SLC1A7: variants seen among roughly 807,000 people sequenced by gnomAD.
SLC1A7 encodes the protein excitatory amino acid transporter 5.
In SLC1A7, 40 loss-of-function variants were observed where a neutral mutation model predicts 47.7. The ratio of observed to expected loss-of-function variants is 0.84; its 90% CI spans 0.65 to 1.09. The LOEUF (loss-of-function observed/expected upper bound fraction) is 1.09, where lower values mean the gene tolerates loss of function less well. SLC1A7 is among the 50% of genes least tolerant of loss of function. The probability of loss-of-function intolerance (pLI) is 0.00; values close to 1 mark genes in which losing one functional copy is unlikely to be tolerated. For missense variants in SLC1A7, 746 were observed against 769.5 expected (o/e 0.97, Z 0.36); for synonymous variants, 323 against 325.6 (o/e 0.99, Z 0.09).
At chr1:53,135,974 T>A (rs1644988501) in intron 1 of SLC1A7, among the ~76,000 whole-genome samples, 2 of 151,858 alleles carry the variant, frequency 1.3e-5, no homozygotes, top group Admixed American at 6.6e-5. Flanking sequence ...ATGAGGGGAC[T>A]CTTGAGATCT....
intron 5 of SLC1A7, among the ~76,000 whole-genome samples, chr1:53,099,728 C>A (rs541928888): frequency 7.6e-6 from 1 of 131,460 alleles, no homozygotes; most frequent in South Asian, 2.6e-4. Flanking sequence ...TACACTCACA[C>A]CCCTCCTTGT....
chr1:53,088,187 T>G lies in SLC1A7; in HGVS notation c.1505A>C (p.Glu502Ala), dbSNP rs766880610. Reference sequence around the variant, plus strand: ...GCCATTCTGCTGGGCTGCCACGATCTCCTGGAGGCTCACTGGCTTGGTCTC... The same window carrying G: ...GCCATTCTGCTGGGCTGCCACGATCGCCTGGAGGCTCACTGGCTTGGTCTC... The part of the protein sequence containing the change: ...PCETKPVSLQ[E>A]IVAAQQNGCV... The change falls in exon 11 of 11, where the codon GAG (glutamate) becomes GCG (alanine). Residue 502 changes from glutamate (E) to alanine (A), a missense_variant. Transcript: ENST00000371494. 28 of 1,612,646 alleles carry G rather than the reference T, an allele frequency of 1.7e-5. No homozygotes were observed. The Admixed American group carries it at 4.3e-4, about 25-fold the overall frequency.
intron 1 of SLC1A7, among the ~76,000 whole-genome samples, chr1:53,137,578 G>C (rs1005469904): frequency 1.3e-5 from 2 of 152,014 alleles, no homozygotes; most frequent in African/African-American, 4.8e-5. Flanking sequence ...ACAATGTTTT[G>C]ATCGCCAAAC....
chr1:53,096,263 G>A (rs1266677693), intron 5 of SLC1A7, among the ~76,000 whole-genome samples: 2 of 131,738 alleles, frequency 1.5e-5, no homozygotes, highest in Non-Finnish European at 3.2e-5. Context: ...CCATGCATCT[G>A]TACACTCACA....
chr1:53,136,975 A>G (rs1429350456), intron 1 of SLC1A7, among the ~76,000 whole-genome samples: 8 of 151,774 alleles, frequency 5.3e-5, no homozygotes, highest in Admixed American at 5.3e-4. Context: ...ACCCACATGT[A>G]TATATTCTTT....
intron 5 of SLC1A7, among the ~76,000 whole-genome samples, chr1:53,096,689 C>T (rs1430113548): frequency 6.6e-6 from 1 of 151,180 alleles, no homozygotes. Context: ...ACACACACCG[C>T]CTCAATACAC....
At chr1:53,112,979 C>T (rs906810561) in intron 3 of SLC1A7, among the ~76,000 whole-genome samples, 4 of 151,796 alleles carry the variant, frequency 2.6e-5, no homozygotes, top group Admixed American at 2.0e-4. Flanking sequence ...TCCTAGCCCA[C>T]TCCCTCACCT....
rs114958616 is a variant in SLC1A7 at position 53,100,128 on chromosome 1, G to A, written c.697+3218C>T. The stretch of plus-strand genomic sequence containing the variant: ...CCACCTCGACACACTCATACACCCC[G>A]CCTCAGAACACTCACACATCCACAT... On this transcript the variant is annotated intron_variant, in intron 5 of 10. Coordinates refer to ENST00000371494, the MANE Select transcript of SLC1A7 (RefSeq NM_006671.6). Among the ~76,000 whole-genome samples, 549 of 144,630 alleles carry A rather than the reference G, an allele frequency of 3.8e-3. 5 individuals carry two copies. The highest frequency in any genetic ancestry group is 0.013 in the African/African-American group (516 of 38,570). 94.9% of individuals were successfully genotyped at this position (144,630 alleles called of 152,430 possible).
At chr1:53,096,734 G>C (rs1019048386) in intron 5 of SLC1A7, among the ~76,000 whole-genome samples, 1 of 147,836 alleles carries the variant, frequency 6.8e-6, no homozygotes, top group African/African-American at 2.5e-5. Flanking sequence ...CACATACCCC[G>C]CCTTGATACA....
rs368950078 is a variant in SLC1A7 at position 53,115,034 on chromosome 1, C to T, written c.216-61G>A. 97 of 1,345,966 alleles carry T rather than the reference C, an allele frequency of 7.2e-5. No individual in the cohort carries two copies. The African/African-American group carries it at 1.0e-3, about 14-fold the overall frequency. 83.4% of individuals were successfully genotyped at this position (1,345,966 alleles called of 1,614,324 possible). On this transcript the variant is annotated intron_variant, in intron 2 of 10. Transcript: ENST00000371494. ...AGGCCAGGGCCTGGCTGGCACTCAGCGCTCACTCAGCCCCTCCTGGCCATG... is the reference window on the plus strand; with the variant it reads ...AGGCCAGGGCCTGGCTGGCACTCAGTGCTCACTCAGCCCCTCCTGGCCATG...
At chr1:53,115,285 G>A in intron 2 of SLC1A7, 1 of 426,282 alleles carries the variant, frequency 2.3e-6, no homozygotes, top group Non-Finnish European at 4.3e-6. Flanking sequence ...TTAAGGAAAT[G>A]CGTGTGCTTT....
At chr1:53,100,460 T>TACACACTGCCTTGGTGCACTCAC (rs1557672696) in intron 5 of SLC1A7, among the ~76,000 whole-genome samples, 1 of 120,732 alleles carries the variant, frequency 8.3e-6, no homozygotes, top group Non-Finnish European at 1.7e-5. Flanking sequence ...GGTCCACTCA[T>TACACACTGCCTTGGTGCACTCAC]ACACACTGCC....
At chr1:53,126,163 C>T (rs1314040531) in intron 2 of SLC1A7, among the ~76,000 whole-genome samples, 1 of 152,178 alleles carries the variant, frequency 6.6e-6, no homozygotes, top group Non-Finnish European at 1.5e-5. Context: ...AGGCCGTGAT[C>T]TAAAACACCC....
At chr1:53,134,308 C>T (rs1644969441) in intron 2 of SLC1A7, 42 bp downstream of exon 2, 6 of 1,465,362 alleles carry the variant, frequency 4.1e-6, no homozygotes, top group Non-Finnish European at 3.8e-6. Context: ...CCATCCTCTA[C>T]CCTCCTGGTT....
chr1:53,092,645 G>C lies in SLC1A7; in HGVS notation c.940C>G (p.Leu314Val), dbSNP rs773531746. 2 of 1,614,194 alleles carry C rather than the reference G, an allele frequency of 1.2e-6. No individual in the cohort carries two copies. The highest frequency in any genetic ancestry group is 1.1e-5 in the South Asian group (1 of 91,086). The change falls in exon 7 of 11, where the codon CTG (leucine) becomes GTG (valine). Residue 314 changes from leucine (L) to valine (V), a missense_variant. Coordinates refer to ENST00000371494, the MANE Select transcript of SLC1A7 (RefSeq NM_006671.6). The part of the protein sequence containing the change: ...LVLHGLFILP[L>V]LYFFITKKNP... ...TTCTTGGTGATGAAGAAGTAGAGCA[G>C]GGGCAGGATAAAGAGCCCGTGGAGC...
intron 5 of SLC1A7, among the ~76,000 whole-genome samples, chr1:53,094,045 G>A (rs1644456447): frequency 6.6e-6 from 1 of 152,214 alleles, no homozygotes; most frequent in Admixed American, 6.5e-5. Context: ...GGCACTGGCT[G>A]CCCGCTCTCC....
chr1:53,133,776 C>A (rs1275990092), intron 2 of SLC1A7, among the ~76,000 whole-genome samples: 2 of 152,160 alleles, frequency 1.3e-5, no homozygotes, highest in Non-Finnish European at 2.9e-5. Flanking sequence ...CATGATTGGG[C>A]AAGAGCTCAC....
At chr1:53,137,202 G>A (rs114921772) in intron 1 of SLC1A7, among the ~76,000 whole-genome samples, 11,956 of 151,086 alleles carry the variant, frequency 0.079, 582 homozygotes, top group African/African-American at 0.13. Context: ...CACAAGATTC[G>A]CTTGAACCCA....
At chr1:53,101,480 C>T (rs894104758) in intron 5 of SLC1A7, among the ~76,000 whole-genome samples, 2 of 151,846 alleles carry the variant, frequency 1.3e-5, no homozygotes, top group African/African-American at 4.8e-5. Flanking sequence ...GAAACACCCA[C>T]ACACACCACC....
Sources: allele counts gnomAD v4.1 joint callset (sites outside exome capture counted in the v4.1 genomes callset), GRCh38; gene constraint gnomAD v4.1.1; transcripts MANE v1.5; gene names NCBI Gene and HGNC (gene_info 2026-07-23, HGNC 2026-07-21).